The following KCNIP1 variants were observed in gnomAD, a reference collection of about 807,000 sequenced individuals.
KCNIP1 encodes the protein potassium voltage-gated channel interacting protein 1, also known as A-type potassium channel modulatory protein KCNIP1.
Under a neutral mutation model 33.0 loss-of-function variants are expected in KCNIP1, and 18 were observed. The observed-to-expected ratio is 0.55, with a 90% CI of 0.38 to 0.81. The LOEUF is 0.81. KCNIP1 is among the 30% of genes least tolerant of loss of function. KCNIP1 has a pLI of 0.00. For missense variants in KCNIP1, 238 were observed against 271.6 expected (o/e 0.88, Z 0.87); for synonymous variants, 93 against 98.3 (o/e 0.95, Z 0.32).
At chr5:170,719,709 T>G (rs936752227) in intron 2 of KCNIP1, among the ~76,000 whole-genome samples, 3 of 152,006 alleles carry the variant, frequency 2.0e-5, no homozygotes, top group Non-Finnish European at 2.9e-5. Flanking sequence ...CTCCTGGGAG[T>G]TATCTGACAG....
At chr5:170,511,651 C>T (rs780138180) in intron 1 of KCNIP1, among the ~76,000 whole-genome samples, 5 of 152,208 alleles carry the variant, frequency 3.3e-5, no homozygotes, top group Non-Finnish European at 5.9e-5. Context: ...GCACCTTGCT[C>T]GGCTCTTTCC....
At chr5:170,359,208 G>A (rs1763435556) in intron 1 of KCNIP1, among the ~76,000 whole-genome samples, 1 of 152,142 alleles carries the variant, frequency 6.6e-6, no homozygotes, top group South Asian at 2.1e-4. Context: ...TGTCCCATGA[G>A]GGCCACTCCC....
In KCNIP1 at chr5:170,729,634, T is replaced by C. The variant is rs1764128229; in HGVS notation, c.436-3166T>C. ...AAAATAAATAAAAATAGTCAATACA[T>C]ATATTAGAGACCTCACTAAGAAAGT... On this transcript the variant is annotated intron_variant, in intron 5 of 7. Coordinates refer to ENST00000328939, the MANE Select transcript of KCNIP1 (RefSeq NM_014592.4). 2.6e-5 allele frequency among the ~76,000 whole-genome samples: 4 copies of C among 152,118 alleles called. No homozygotes were observed. In the South Asian group the frequency reaches 8.3e-4, roughly 31 times the overall value.
chr5:170,615,877 A>G (rs1436795914), intron 1 of KCNIP1, among the ~76,000 whole-genome samples: 6 of 152,256 alleles, frequency 3.9e-5, no homozygotes, highest in Admixed American at 3.9e-4. Flanking sequence ...CGCATCTGGC[A>G]CATAGTGAGT....
intron 1 of KCNIP1, among the ~76,000 whole-genome samples, chr5:170,685,248 G>A (rs1222350528): frequency 6.6e-6 from 1 of 151,540 alleles, no homozygotes; most frequent in African/African-American, 2.4e-5. Flanking sequence ...CATTACTTCT[G>A]ATCTCAAAGG....
intron 1 of KCNIP1, among the ~76,000 whole-genome samples, chr5:170,655,226 T>C (rs185245530): frequency 6.6e-5 from 10 of 152,326 alleles, no homozygotes; most frequent in Admixed American, 5.2e-4. Flanking sequence ...TCTCTTTCTT[T>C]AGTTGTGCAT....
intron 1 of KCNIP1, among the ~76,000 whole-genome samples, chr5:170,561,571 T>G (rs1207595150): frequency 6.6e-6 from 1 of 152,226 alleles, no homozygotes; most frequent in East Asian, 1.9e-4. Flanking sequence ...AGAGCTTGTT[T>G]GTGCCTTGGC....
At chr5:170,364,563 C>T (rs371489124) in intron 1 of KCNIP1, among the ~76,000 whole-genome samples, 3 of 152,074 alleles carry the variant, frequency 2.0e-5, no homozygotes, top group South Asian at 2.1e-4. Flanking sequence ...TTGCATGATC[C>T]GTCCTCTGCA....
chr5:170,593,349 C>T (rs1758331677), intron 1 of KCNIP1, among the ~76,000 whole-genome samples: 1 of 152,144 alleles, frequency 6.6e-6, no homozygotes, highest in South Asian at 2.1e-4. Context: ...ACCTCACCTC[C>T]TTCCAGAAAT....
chr5:170,583,773 C>T (rs552530728), intron 1 of KCNIP1, among the ~76,000 whole-genome samples: 4 of 152,270 alleles, frequency 2.6e-5, no homozygotes, highest in South Asian at 2.1e-4. Flanking sequence ...AAATATTTTC[C>T]GGCAGTGTTT....
chr5:170,405,263 C>T (rs10075388), intron 1 of KCNIP1, among the ~76,000 whole-genome samples: 7,930 of 151,754 alleles, frequency 0.052, 724 homozygotes, highest in African/African-American at 0.18. Context: ...GGTGCAATCT[C>T]GGCATACTGT....
At chr5:170,476,153 T>G (rs1261412281) in intron 1 of KCNIP1, among the ~76,000 whole-genome samples, 1 of 152,132 alleles carries the variant, frequency 6.6e-6, no homozygotes, top group Non-Finnish European at 1.5e-5. Flanking sequence ...GTATTTTTTG[T>G]AGAGACAGTG....
chr5:170,373,051 A>G (rs1016127383), intron 1 of KCNIP1, among the ~76,000 whole-genome samples: 9 of 152,224 alleles, frequency 5.9e-5, no homozygotes, highest in African/African-American at 1.9e-4. Flanking sequence ...CTTTGCTTCC[A>G]TATACCTCCC....
At chr5:170,674,159 GGAAGGA>G (rs1762032338) in intron 1 of KCNIP1, among the ~76,000 whole-genome samples, 1 of 84,168 alleles carries the variant, frequency 1.2e-5, no homozygotes, top group Non-Finnish European at 2.3e-5. Context: ...AAGGAAGGAA[GGAAGGA>G]AGGAAGGAAG....
At chr5:170,668,228 C>A (rs1413238625) in intron 1 of KCNIP1, among the ~76,000 whole-genome samples, 1 of 152,220 alleles carries the variant, frequency 6.6e-6, no homozygotes, top group Non-Finnish European at 1.5e-5. Context: ...TGCAGCCAGG[C>A]TCCTGGCCAG....
chr5:170,668,850 G>T (rs1261609442), intron 1 of KCNIP1, among the ~76,000 whole-genome samples: 1 of 152,204 alleles, frequency 6.6e-6, no homozygotes, highest in Non-Finnish European at 1.5e-5. Context: ...CACCACACTT[G>T]CTTCTGGGAA....
intron 1 of KCNIP1, among the ~76,000 whole-genome samples, chr5:170,609,110 G>A (rs1267139520): frequency 6.6e-6 from 1 of 152,120 alleles, no homozygotes; most frequent in Non-Finnish European, 1.5e-5. Flanking sequence ...CAATTCTCCT[G>A]CAGAATGTAC....
At chr5:170,491,526 A>C (rs1757206165) in intron 1 of KCNIP1, among the ~76,000 whole-genome samples, 2 of 152,176 alleles carry the variant, frequency 1.3e-5, no homozygotes. Flanking sequence ...GGCTCACAGT[A>C]TAATATCAGT....
At chr5:170,411,471 T>C (rs1028608691) in intron 1 of KCNIP1, among the ~76,000 whole-genome samples, 2 of 152,206 alleles carry the variant, frequency 1.3e-5, no homozygotes, top group Non-Finnish European at 2.9e-5. Flanking sequence ...ATTGTGTGTG[T>C]ACATGTGTGC....
Sources: allele counts gnomAD v4.1 joint callset (sites outside exome capture counted in the v4.1 genomes callset), GRCh38; gene constraint gnomAD v4.1.1; transcripts MANE v1.5; gene names NCBI Gene and HGNC (gene_info 2026-07-23, HGNC 2026-07-21).